Variants in SMOC2 observed in about 807,000 individuals in gnomAD.
SMOC2 encodes the protein SPARC-related modular calcium-binding protein 2.
SMOC2 carries 39 observed loss-of-function variants against 61.4 expected under a neutral mutation model. That is an observed-to-expected ratio of 0.64 (90% confidence interval 0.49 to 0.83). SMOC2 has a LOEUF of 0.83. Among genes scored for constraint, SMOC2 ranks in the 40% least tolerant of loss-of-function variants. SMOC2 has a pLI of 0.00. For synonymous variants in SMOC2, 247 were observed against 239.9 expected (o/e 1.03, Z -0.27); for missense variants, 556 against 592.9 (o/e 0.94, Z 0.65).
intron 1 of SMOC2, among the ~76,000 whole-genome samples, chr6:168,508,933 G>A (rs764257419): frequency 1.3e-5 from 2 of 152,168 alleles, no homozygotes; most frequent in Non-Finnish European, 2.9e-5. Context: ...TGATAGTCTG[G>A]GGACCAAAGG....
chr6:168,599,077 C>G (rs1785411396), intron 8 of SMOC2, 73 bp downstream of exon 8: 4 of 1,349,024 alleles, frequency 3.0e-6, no homozygotes, highest in Non-Finnish European at 4.0e-6. Context: ...AAGCAGAACC[C>G]CCACTTCCCC....
intron 11 of SMOC2, chr6:168,655,276 G>A (rs1787292110): frequency 2.5e-6 from 1 of 403,356 alleles, no homozygotes; most frequent in African/African-American, 2.1e-5. Context: ...CTAAACGTTA[G>A]GCCAGTTCAC....
At chr6:168,538,325 A>G (rs1395679695) in intron 4 of SMOC2, among the ~76,000 whole-genome samples, 9 of 49,538 alleles carry the variant, frequency 1.8e-4, no homozygotes, top group South Asian at 9.1e-4. Context: ...AATGTGGGGG[A>G]GTGGGGTGAC....
intron 2 of SMOC2, among the ~76,000 whole-genome samples, chr6:168,518,727 G>GTGTGCATGTGTGTGAA (rs1278314059): frequency 6.6e-6 from 1 of 150,462 alleles, no homozygotes; most frequent in African/African-American, 2.5e-5. Flanking sequence ...GCTTATGTGA[G>GTGTGCATGTGTGTGAA]TGTGCATGTG....
In SMOC2 at chr6:168,664,114, A is replaced by T; in HGVS notation, c.1323+3A>T. 6.2e-7 allele frequency: 1 copy of T among 1,600,460 alleles called. No homozygotes were observed. The highest frequency in any genetic ancestry group is 8.5e-7 in the Non-Finnish European group (1 of 1,173,428). ...CTGAAAGTACGTCTAATAGACAGGT[A>T]AGTATGTTTATATTTTACTCTTAAC... On this transcript the variant is annotated splice_donor_region_variant and intron_variant, in intron 12 of 12. Coordinates refer to ENST00000356284, the MANE Select transcript of SMOC2 (RefSeq NM_001166412.2).
chr6:168,599,426 C>T (rs1282344737), intron 8 of SMOC2, among the ~76,000 whole-genome samples: 3 of 136,142 alleles, frequency 2.2e-5, no homozygotes, highest in Non-Finnish European at 4.7e-5. Context: ...ATACCCCCCA[C>T]ACCCACACTC....
intron 1 of SMOC2, among the ~76,000 whole-genome samples, chr6:168,476,684 T>C (rs1261940088): frequency 6.6e-6 from 1 of 152,102 alleles, no homozygotes; most frequent in Admixed American, 6.5e-5. Flanking sequence ...TTAGCCAAAC[T>C]CTTACTGTCG....
At chr6:168,582,938 G>A (rs543149254) in intron 7 of SMOC2, among the ~76,000 whole-genome samples, 6 of 150,126 alleles carry the variant, frequency 4.0e-5, no homozygotes, top group South Asian at 4.4e-4. Context: ...TCTCACCCCC[G>A]CCTCCCTCAA....
chr6:168,548,444 G>A (rs181585681), intron 6 of SMOC2, among the ~76,000 whole-genome samples: 3 of 146,596 alleles, frequency 2.0e-5, no homozygotes, highest in Non-Finnish European at 4.4e-5. Context: ...TGCAACCTCC[G>A]TCTCCTGGGC....
chr6:168,529,352 T>G (rs1783530773), intron 4 of SMOC2, among the ~76,000 whole-genome samples: 1 of 152,122 alleles, frequency 6.6e-6, no homozygotes, highest in African/African-American at 2.4e-5. Flanking sequence ...ATGAAAAGCT[T>G]CGATGCCGAG....
chr6:168,459,052 A>T (rs555262400), intron 1 of SMOC2, among the ~76,000 whole-genome samples: 6 of 152,282 alleles, frequency 3.9e-5, no homozygotes, highest in African/African-American at 1.4e-4. Flanking sequence ...TTACCCAAAT[A>T]AACTCTATTC....
At chr6:168,568,920 G>C (rs1314691535) in intron 7 of SMOC2, among the ~76,000 whole-genome samples, 1 of 152,152 alleles carries the variant, frequency 6.6e-6, no homozygotes, top group Non-Finnish European at 1.5e-5. Context: ...GTATTCCATT[G>C]TTTGGATGCA....
chr6:168,519,035 A>C (rs116337772), intron 2 of SMOC2, among the ~76,000 whole-genome samples: 1 of 35,942 alleles, frequency 2.8e-5, no homozygotes, highest in Non-Finnish European at 1.6e-4. Flanking sequence ...ATGTGTGTGT[A>C]TGTGTGCATG....
At chr6:168,582,542 G>C (rs7750705) in intron 7 of SMOC2, among the ~76,000 whole-genome samples, 10 of 152,200 alleles carry the variant, frequency 6.6e-5, no homozygotes, top group African/African-American at 2.4e-4. Flanking sequence ...GTGGGGCAGA[G>C]CCGGAGAGAG....
At chr6:168,477,315 C>A (rs1188381012) in intron 1 of SMOC2, among the ~76,000 whole-genome samples, 2 of 152,344 alleles carry the variant, frequency 1.3e-5, no homozygotes, top group African/African-American at 2.4e-5. Context: ...CTGGCTGGCC[C>A]TGATGCATGT....
At chr6:168,620,170 T>A (rs538783434) in intron 9 of SMOC2, among the ~76,000 whole-genome samples, 3 of 152,232 alleles carry the variant, frequency 2.0e-5, no homozygotes, top group Non-Finnish European at 2.9e-5. Context: ...ATTTCATCTC[T>A]TCACTGAATC....
At chr6:168,572,994 C>G (rs1392707159) in intron 7 of SMOC2, among the ~76,000 whole-genome samples, 4 of 100,058 alleles carry the variant, frequency 4.0e-5, no homozygotes. Context: ...CCCACATCCC[C>G]GGGTGCTGGG....
intron 7 of SMOC2, among the ~76,000 whole-genome samples, chr6:168,578,347 G>T (rs1784852458): frequency 6.6e-6 from 1 of 152,238 alleles, no homozygotes; most frequent in Admixed American, 6.5e-5. Flanking sequence ...ATACTTGAAT[G>T]AGGTCATGAA....
intron 1 of SMOC2, among the ~76,000 whole-genome samples, chr6:168,482,515 AATG>A (rs1782229362): frequency 6.6e-6 from 1 of 152,092 alleles, no homozygotes; most frequent in African/African-American, 2.4e-5. Flanking sequence ...ATCCTTCTTG[AATG>A]ATTTAAGAAG....
Sources: gnomAD v4.1 joint callset for allele counts (sites outside exome capture counted in the v4.1 genomes callset) on GRCh38, gnomAD v4.1.1 for gene constraint, MANE v1.5 for transcripts, NCBI Gene and HGNC (gene_info 2026-07-23, HGNC 2026-07-21) for gene names.